JARID2: variants seen among roughly 807,000 people sequenced by gnomAD.
JARID2 encodes protein Jumonji.
In JARID2, 21 loss-of-function variants were observed where a neutral mutation model predicts 125.6. The observed-to-expected ratio is 0.17, with a 90% CI of 0.12 to 0.24. The LOEUF is 0.24. Ranked by LOEUF, JARID2 falls within the 10% of genes least tolerant of loss-of-function variation. The pLI, the probability that JARID2 is intolerant of heterozygous loss-of-function variation, is 1.00. For synonymous variants in JARID2, 736 were observed against 661.6 expected (o/e 1.11, Z -1.73); for missense variants, 1,303 against 1,639.6 (o/e 0.79, Z 3.55).
intron 1 of JARID2, among the ~76,000 whole-genome samples, chr6:15,251,714 C>T (rs1759461961): frequency 6.6e-6 from 1 of 152,124 alleles, no homozygotes; most frequent in African/African-American, 2.4e-5. Context: ...CGTGGTGGCT[C>T]ATGCCTGTAA....
intron 1 of JARID2, among the ~76,000 whole-genome samples, chr6:15,358,085 T>C (rs1333840315): frequency 6.6e-6 from 1 of 152,218 alleles, no homozygotes; most frequent in Non-Finnish European, 1.5e-5. Context: ...GCTGTGTTTC[T>C]TTGTGTGGGC....
At chr6:15,429,078 C>T (rs748791230) in intron 3 of JARID2, among the ~76,000 whole-genome samples, 37 of 151,918 alleles carry the variant, frequency 2.4e-4, no homozygotes, top group Admixed American at 3.9e-4. Context: ...TTGGGTGGGG[C>T]GAGGAATAGG....
intron 2 of JARID2, among the ~76,000 whole-genome samples, chr6:15,384,009 G>T (rs1165724435): frequency 1.3e-5 from 2 of 152,110 alleles, no homozygotes; most frequent in Non-Finnish European, 2.9e-5. Flanking sequence ...GGTCAGGCTG[G>T]TCTCGAACTC....
chr6:15,380,048 A>AG (rs1388443858), intron 2 of JARID2, among the ~76,000 whole-genome samples: 1 of 144,160 alleles, frequency 6.9e-6, no homozygotes, highest in African/African-American at 2.6e-5. Flanking sequence ...GCCGGGGGTG[A>AG]GGGGATGGAG....
intron 3 of JARID2, among the ~76,000 whole-genome samples, chr6:15,419,430 A>G (rs116969476): frequency 1.4e-3 from 212 of 152,314 alleles, no homozygotes; most frequent in South Asian, 9.1e-3. Flanking sequence ...TTCTGTTTCA[A>G]GTTATCTACG....
intron 3 of JARID2, among the ~76,000 whole-genome samples, chr6:15,451,133 T>TC (rs1295596757): frequency 2.0e-5 from 3 of 152,324 alleles, no homozygotes; most frequent in Admixed American, 1.3e-4. Context: ...ACAGCAAGAC[T>TC]CCATCTCAAA....
chr6:15,451,791 C>T (rs57288790), intron 3 of JARID2, among the ~76,000 whole-genome samples: 3 of 152,134 alleles, frequency 2.0e-5, no homozygotes, highest in African/African-American at 7.2e-5. Context: ...CATTTTATAT[C>T]CATGTACAAA....
In JARID2 at chr6:15,508,436, C is replaced by T; in HGVS notation, c.2828C>T (p.Thr943Ile). The T allele has an allele frequency of 6.3e-7, 1 of 1,584,826 alleles. No individual in the cohort carries two copies. Among genetic ancestry groups the T allele is most frequent in the Non-Finnish European group, 8.7e-7 (1 of 1,153,234 alleles). ...CTTCCATACATTGACTACTTACACA[C>T]TGGTGCTGACTGCATTTGGTGAGTA... ...NHLPYIDYLHTGADCIWYCIP... is the reference protein window; with the variant it reads ...NHLPYIDYLHIGADCIWYCIP... The change falls in exon 12 of 18, where the codon ACT becomes ATT. Residue 943 changes from threonine to isoleucine, a missense_variant. Transcript: ENST00000341776.
intron 3 of JARID2, among the ~76,000 whole-genome samples, chr6:15,447,022 A>G (rs1202574924): frequency 6.6e-6 from 1 of 152,190 alleles, no homozygotes; most frequent in African/African-American, 2.4e-5. Context: ...TGAACATAAC[A>G]AAGTGACCAG....
intron 1 of JARID2, among the ~76,000 whole-genome samples, chr6:15,369,544 C>T (rs1296050885): frequency 6.6e-6 from 1 of 152,178 alleles, no homozygotes. Context: ...GAGGTCTGCA[C>T]TGTCAAACCC....
chr6:15,348,833 G>C (rs1763333400), intron 1 of JARID2, among the ~76,000 whole-genome samples: 1 of 152,200 alleles, frequency 6.6e-6, no homozygotes. Flanking sequence ...TTTAGTGGTT[G>C]CTATTTTCTA....
chr6:15,503,819 G>A (rs1198931763), intron 8 of JARID2, among the ~76,000 whole-genome samples: 1 of 152,214 alleles, frequency 6.6e-6, no homozygotes, highest in Non-Finnish European at 1.5e-5. Flanking sequence ...GTAAAAGAAG[G>A]TGCTGACTCC....
At chr6:15,381,335 C>T (rs1764577470) in intron 2 of JARID2, among the ~76,000 whole-genome samples, 1 of 117,308 alleles carries the variant, frequency 8.5e-6, no homozygotes, top group South Asian at 3.1e-4. Context: ...AGGGAGACTC[C>T]TGTCTCAAAA....
chr6:15,515,505 A>G (rs144071776), intron 16 of JARID2, among the ~76,000 whole-genome samples: 231 of 152,248 alleles, frequency 1.5e-3, no homozygotes, highest in African/African-American at 5.3e-3. Flanking sequence ...AGAAGAATGT[A>G]TTGTGAGGCC....
At chr6:15,391,537 A>C (rs559296702) in intron 2 of JARID2, among the ~76,000 whole-genome samples, 8 of 152,152 alleles carry the variant, frequency 5.3e-5, no homozygotes, top group Non-Finnish European at 1.2e-4. Context: ...AACAAAAGAA[A>C]ATTCTTAAGG....
At chr6:15,297,917 GAAAA>G (rs11364502) in intron 1 of JARID2, among the ~76,000 whole-genome samples, 1 of 147,152 alleles carries the variant, frequency 6.8e-6, no homozygotes, top group African/African-American at 2.5e-5. Context: ...AGTGGAAAAA[GAAAA>G]AAAAAAAGAC....
chr6:15,287,236 C>T (rs1315935587), intron 1 of JARID2, among the ~76,000 whole-genome samples: 2 of 152,182 alleles, frequency 1.3e-5, no homozygotes, highest in African/African-American at 2.4e-5. Context: ...CTTTTGCAAT[C>T]GGGTGAAATG....
At position 15,410,375 on chromosome 6, in the gene JARID2, C is replaced by A. The variant is rs373717817; in HGVS notation, c.323+10C>A. ...GGCCGTCGAGGAAAAGGTTAGTACCCAAGGCTGAAAATATTGGTACCTTCA... is the reference window on the plus strand; with the variant it reads ...GGCCGTCGAGGAAAAGGTTAGTACCAAAGGCTGAAAATATTGGTACCTTCA... On this transcript the variant is annotated intron_variant, in intron 3 of 17. Transcript: ENST00000341776. 24 of 1,612,398 alleles carry A rather than the reference C, an allele frequency of 1.5e-5. No homozygotes were observed. Among genetic ancestry groups the A allele is most frequent in the Non-Finnish European group, 1.9e-5 (22 of 1,178,858 alleles).
intron 1 of JARID2, among the ~76,000 whole-genome samples, chr6:15,318,925 G>C (rs1200835595): frequency 1.3e-5 from 2 of 152,208 alleles, no homozygotes; most frequent in African/African-American, 4.8e-5. Context: ...AATCCCAGTG[G>C]CAAAGAGCTC....
Sources: gnomAD v4.1 joint callset for allele counts (sites outside exome capture counted in the v4.1 genomes callset) on GRCh38, gnomAD v4.1.1 for gene constraint, MANE v1.5 for transcripts, NCBI Gene and HGNC (gene_info 2026-07-23, HGNC 2026-07-21) for gene names.